Variants in PCDH15 observed in about 807,000 individuals in gnomAD.
The protein encoded by PCDH15 is protocadherin-15.
Under a neutral mutation model 178.5 loss-of-function variants are expected in PCDH15, and 129 were observed. That is an observed-to-expected ratio of 0.72 (90% CI 0.63 to 0.84). PCDH15 has a LOEUF of 0.84. Ranked by LOEUF, PCDH15 falls within the 40% of genes least tolerant of loss-of-function variation. PCDH15 has a pLI of 0.00. For synonymous variants in PCDH15, 800 were observed against 732.0 expected (o/e 1.09, Z -1.50); for missense variants, 2,230 against 2,099.9 (o/e 1.06, Z -1.21).
At chr10:54,858,212 G>T (rs143162180) in intron 3 of PCDH15, among the ~76,000 whole-genome samples, 2 of 152,016 alleles carry the variant, frequency 1.3e-5, no homozygotes, top group Non-Finnish European at 2.9e-5. Context: ...AGACCTCCAG[G>T]TTCATTCATT....
chr10:54,805,721 T>C (rs1952768401), upstream of PCDH15, among the ~76,000 whole-genome samples: 5 of 152,164 alleles, frequency 3.3e-5, no homozygotes, highest in South Asian at 1.0e-3. Context: ...GGCAGACTGT[T>C]ATTTGAGAAA....
rs781234438 is a variant in PCDH15 at position 53,803,813 on chromosome 10, C to T, written c.*2766G>A. 8 of 151,892 alleles carry T rather than the reference C, an allele frequency of 5.3e-5. No individual in the cohort carries two copies. The highest frequency in any genetic ancestry group is 4.6e-4 in the Admixed American group (7 of 15,216). 9.4% of individuals were successfully genotyped at this position (151,892 alleles called of 1,614,324 possible). ...TCATTACATCATTCTGTTCTCACCT[C>T]GATTAGCCAAGACCTGCTGTTTCTT... On this transcript the variant is annotated 3_prime_UTR_variant, in exon 38 of 38. Coordinates refer to ENST00000644397, the MANE Select transcript of PCDH15 (RefSeq NM_001384140.1).
Position 54,317,373 on chromosome 10 carries a change from T to C in PCDH15, c.774A>G (p.Gly258=). 6.2e-7 allele frequency: 1 copy of C among 1,614,044 alleles called. No homozygotes were observed. Among genetic ancestry groups the C allele is most frequent in the Non-Finnish European group, 8.5e-7 (1 of 1,179,954 alleles). ...TTTLTVDVLD[G]DDLGPMFLPC... ...GAAGAAACATTGGACCCAAGTCATC[T>C]CCATCCAGAACATCCACTGTGAGAG... The change falls in exon 8 of 38, where the codon GGA becomes GGG. Residue 258 remains glycine, a synonymous_variant. Coordinates refer to ENST00000644397, the MANE Select transcript of PCDH15 (RefSeq NM_001384140.1).
intron 8 of PCDH15, among the ~76,000 whole-genome samples, chr10:54,248,802 A>G (rs562228395): frequency 2.0e-5 from 3 of 152,104 alleles, no homozygotes; most frequent in Non-Finnish European, 4.4e-5. Flanking sequence ...TGATCCAAGT[A>G]TCAAATGTGA....
At chr10:54,494,495 A>T (rs2079923985) in intron 3 of PCDH15, among the ~76,000 whole-genome samples, 1 of 152,120 alleles carries the variant, frequency 6.6e-6, no homozygotes, top group Non-Finnish European at 1.5e-5. Context: ...TTTCTGCCAC[A>T]TCTCTAAACT....
chr10:55,136,990 G>A (rs1446973715), intron 2 of PCDH15, among the ~76,000 whole-genome samples: 3 of 152,132 alleles, frequency 2.0e-5, no homozygotes, highest in Non-Finnish European at 4.4e-5. Flanking sequence ...ATATTTGTGA[G>A]AAATTATACA....
At chr10:53,821,675 ATT>A in intron 32 of PCDH15, 3 of 1,374,314 alleles carry the variant, frequency 2.2e-6, no homozygotes, top group Non-Finnish European at 2.8e-6. Context: ...AGGTAAATCT[ATT>A]ATATGAGTGA....
At position 53,903,294 on chromosome 10, in the gene PCDH15, G is replaced by A. The variant is rs146374856; in HGVS notation, c.3450C>T (p.Ile1150=). The A allele has an allele frequency of 2.1e-5, 34 of 1,612,966 alleles. No homozygotes were observed. Among genetic ancestry groups the A allele is most frequent in the Middle Eastern group, 1.7e-4 (1 of 6,050 alleles). The part of the protein sequence containing the change: ...HPPVFQKKFY[I]GGVSEDARMF... ...TTCTTGCATCTTCAGATACACCTCC[G>A]ATGTAGAATTTTTTCTGAAACACTG... The change falls in exon 26 of 38, where the codon ATC becomes ATT. Residue 1150 remains isoleucine, a synonymous_variant. Transcript: ENST00000644397.
intron 1 of PCDH15, among the ~76,000 whole-genome samples, chr10:54,746,426 G>C (rs1302783267): frequency 6.6e-6 from 1 of 152,040 alleles, no homozygotes; most frequent in Non-Finnish European, 1.5e-5. Context: ...ACTACAGTCT[G>C]CAATAATTTG....
chr10:55,439,475 A>G (rs1236991908), intron 2 of PCDH15, among the ~76,000 whole-genome samples: 4 of 152,174 alleles, frequency 2.6e-5, no homozygotes, highest in Non-Finnish European at 5.9e-5. Flanking sequence ...AAATATGAGT[A>G]GAAAAAAAAT....
intron 13 of PCDH15, among the ~76,000 whole-genome samples, chr10:54,159,975 C>T (rs1468149751): frequency 2.6e-5 from 4 of 152,226 alleles, no homozygotes; most frequent in South Asian, 2.1e-4. Context: ...TGAGAACTTT[C>T]ACATTTTAAC....
intron 5 of PCDH15, among the ~76,000 whole-genome samples, chr10:54,346,729 TA>T (rs1943354650): frequency 6.6e-6 from 1 of 152,228 alleles, no homozygotes; most frequent in Admixed American, 6.5e-5. Context: ...GATTCCGTGT[TA>T]AACACATTTG....
intron 2 of PCDH15, among the ~76,000 whole-genome samples, chr10:54,657,156 C>G (rs1385764887): frequency 6.6e-6 from 1 of 152,214 alleles, no homozygotes; most frequent in African/African-American, 2.4e-5. Context: ...GGGGCATACC[C>G]ATGGTCTCCA....
intron 3 of PCDH15, among the ~76,000 whole-genome samples, chr10:54,836,504 C>T (rs781752242): frequency 2.7e-4 from 41 of 152,052 alleles, no homozygotes; most frequent in Admixed American, 2.0e-4. Flanking sequence ...AATTGTTACA[C>T]AGTTGTAATA....
Position 54,193,631 on chromosome 10 carries a change from G to A in PCDH15, c.1305+2052C>T, listed in dbSNP as rs146846871. Among the ~76,000 whole-genome samples, 1,179 of 152,202 alleles carry A rather than the reference G, an allele frequency of 7.7e-3. 5 individuals carry two copies. The highest frequency in any genetic ancestry group is 0.017 in the Middle Eastern group (5 of 294). ...TAGAGACTTTTTTCCTGTGACTCATGAAACCCACTATACATCAGAGAATCC... is the reference window on the plus strand; with the variant it reads ...TAGAGACTTTTTTCCTGTGACTCATAAAACCCACTATACATCAGAGAATCC... On this transcript the variant is annotated intron_variant, in intron 11 of 37. Coordinates refer to ENST00000644397, the MANE Select transcript of PCDH15 (RefSeq NM_001384140.1).
At chr10:55,528,481 GT>G in intron 2 of PCDH15, among the ~76,000 whole-genome samples, 1 of 152,006 alleles carries the variant, frequency 6.6e-6, no homozygotes, top group East Asian at 1.9e-4. Context: ...GCGGTGTTTG[GT>G]TTTTTGCCCT....
intron 15 of PCDH15, among the ~76,000 whole-genome samples, chr10:54,107,809 G>T (rs1483655649): frequency 3.3e-5 from 5 of 152,138 alleles, no homozygotes; most frequent in Admixed American, 2.6e-4. Context: ...CTTGGAAAAG[G>T]GTTGCCACAG....
At chr10:54,731,563 T>TACACACACACACAC (rs1159070523) in intron 1 of PCDH15, among the ~76,000 whole-genome samples, 12 of 49,882 alleles carry the variant, frequency 2.4e-4, no homozygotes, top group African/African-American at 7.1e-4. Context: ...TATATATATA[T>TACACACACACACAC]ACACACACAC....
At chr10:54,383,592 T>G (rs1949509769) in intron 3 of PCDH15, among the ~76,000 whole-genome samples, 1 of 150,408 alleles carries the variant, frequency 6.6e-6, no homozygotes. Context: ...CAGTTAAAAT[T>G]AAAAGTACAA....
Sources: allele counts gnomAD v4.1 joint callset (sites outside exome capture counted in the v4.1 genomes callset), GRCh38; gene constraint gnomAD v4.1.1; transcripts MANE v1.5; gene names NCBI Gene and HGNC (gene_info 2026-07-23, HGNC 2026-07-21).